Variants in ANAPC5 observed in about 807,000 individuals in gnomAD.
ANAPC5 encodes the protein anaphase-promoting complex subunit 5.
ANAPC5 carries 60 observed loss-of-function variants against 91.3 expected under a neutral mutation model. The ratio of observed to expected loss-of-function variants is 0.66; its 90% CI spans 0.53 to 0.81. The LOEUF (loss-of-function observed/expected upper bound fraction) is 0.81. Among genes scored for constraint, ANAPC5 ranks in the 40% least tolerant of loss-of-function variants. The pLI is 0.00. For synonymous variants in ANAPC5, 340 were observed against 364.1 expected, an observed-to-expected ratio of 0.93 and a Z score of 0.75; for missense variants, 690 against 931.5, an observed-to-expected ratio of 0.74 and a Z score of 3.37.
chr12:121,335,011 T>C (rs1313452588), intron 7 of ANAPC5: 1 of 152,180 alleles, frequency 6.6e-6, no homozygotes, highest in Non-Finnish European at 1.5e-5. Context: ...GTTCCCTCTA[T>C]GGAAGTTACT....
intron 9 of ANAPC5, among the ~76,000 whole-genome samples, chr12:121,330,346 T>C (rs1384666506): frequency 6.6e-6 from 1 of 152,210 alleles, no homozygotes; most frequent in Non-Finnish European, 1.5e-5. Flanking sequence ...TGATCTCTTA[T>C]CAAATTGGTA....
Position 121,335,665 on chromosome 12 carries a change from CTG to C in ANAPC5, c.816_817del (p.His272GlnfsTer7), listed in dbSNP as rs782653871. On this transcript the variant is annotated frameshift_variant, in exon 7 of 17. Transcript: ENST00000261819. LOFTEE classifies it high-confidence loss of function. ...CAGACGATCAAAATAATGGAGGAGA[CTG>C]TGTGTTGAACTGAAAACATCTTGGA... 2 of 1,613,756 alleles carry C rather than the reference CTG, an allele frequency of 1.2e-6. No individual in the cohort carries two copies. The highest frequency in any genetic ancestry group is 1.7e-6 in the Non-Finnish European group (2 of 1,179,692).
intron 1 of ANAPC5, among the ~76,000 whole-genome samples, chr12:121,351,410 A>G (rs1363650388): frequency 9.9e-5 from 15 of 152,064 alleles, no homozygotes; most frequent in Non-Finnish European, 2.2e-4. Flanking sequence ...TTTTAAGTAA[A>G]GTGCTTAGCA....
intron 15 of ANAPC5, among the ~76,000 whole-genome samples, chr12:121,314,752 G>C (rs961280998): frequency 1.3e-5 from 2 of 151,760 alleles, no homozygotes; most frequent in Non-Finnish European, 2.9e-5. Flanking sequence ...AGCCTACCTA[G>C]TAGCTGGGAT....
intron 7 of ANAPC5, 65 bp from the exon 8 acceptor site, chr12:121,331,493 G>A: frequency 7.3e-7 from 1 of 1,379,112 alleles, no homozygotes; most frequent in South Asian, 1.2e-5. Context: ...AACCATAGCA[G>A]GAAGTCATCT....
chr12:121,328,681 G>T, intron 9 of ANAPC5, 184 bp from the exon 10 acceptor site: 1 of 552,284 alleles, frequency 1.8e-6, no homozygotes, highest in South Asian at 2.4e-5. Context: ...GAAAAACTGG[G>T]TCTGGGAGAG....
At chr12:121,313,643 A>G (rs1902253715) in intron 15 of ANAPC5, among the ~76,000 whole-genome samples, 1 of 152,210 alleles carries the variant, frequency 6.6e-6, no homozygotes, top group Admixed American at 6.5e-5. Flanking sequence ...AAGAAATTAG[A>G]TAAAAGGTAA....
At position 121,327,096 on chromosome 12, in the gene ANAPC5, C is replaced by G; in HGVS notation, c.1440G>C (p.Gln480His). Residue 480 changes from glutamine to histidine, a missense_variant and splice_region_variant, in exon 11 of 17, where the codon CAG becomes CAC. Transcript: ENST00000261819. ...CACGTGGGCCCGGCCACCTGCCTAC[C>G]TGCTCCGCGTGTAGCTCTGCGAGGT... The part of the protein sequence containing the change: ...LCHLAELHAE[Q>H]GCFAAASEVL... 1 of 1,594,220 alleles carries G rather than the reference C, an allele frequency of 6.3e-7. No individual in the cohort carries two copies. The highest frequency in any genetic ancestry group is 2.3e-5 in the East Asian group (1 of 44,430).
rs34791908 is a variant in ANAPC5, at chr12:121,312,706, C to CAAA, written c.1894-2846_1894-2844dup. 4.3e-3 allele frequency among the ~76,000 whole-genome samples: 220 copies of CAAA among 50,948 alleles called. 1 individual carries two copies. The highest frequency in any genetic ancestry group is 9.2e-3 in the South Asian group (12 of 1,310). The allele number at this position is 50,948 out of a possible 152,430, so 33.4% of individuals were successfully genotyped here. ...TAGGCGACAGAGCGAGACTCTGTCA[C>CAAA]AAAAAAAAAAAAAAAAAAAAAAAAT... On this transcript the variant is annotated intron_variant, in intron 15 of 16. Transcript: ENST00000261819.
At chr12:121,327,055 T>C in intron 11 of ANAPC5, 41 bp downstream of exon 11, 1 of 1,557,026 alleles carries the variant, frequency 6.4e-7, no homozygotes, top group Non-Finnish European at 8.6e-7. Flanking sequence ...TGGTAGAGCC[T>C]CCATTGCTCC....
intron 7 of ANAPC5, chr12:121,332,870 G>A (rs1360216644): frequency 6.6e-6 from 1 of 152,170 alleles, no homozygotes; most frequent in Non-Finnish European, 1.5e-5. Flanking sequence ...ATTCTGAGAT[G>A]GGTGCAGTAG....
intron 1 of ANAPC5, among the ~76,000 whole-genome samples, chr12:121,351,881 TCTAA>T (rs1358348333): frequency 1.3e-5 from 2 of 151,778 alleles, no homozygotes; most frequent in Admixed American, 1.3e-4. Context: ...GATCTGAGAC[TCTAA>T]CTCTCAGCTA....
At chr12:121,341,264 G>T (rs1490503423) in intron 5 of ANAPC5, among the ~76,000 whole-genome samples, 1 of 152,170 alleles carries the variant, frequency 6.6e-6, no homozygotes, top group Non-Finnish European at 1.5e-5. Flanking sequence ...TAGATCGAGA[G>T]TTCAAGACCA....
chr12:121,345,717 C>G (rs1405120919), intron 4 of ANAPC5, 122 bp downstream of exon 4: 5 of 1,040,746 alleles, frequency 4.8e-6, no homozygotes, highest in Non-Finnish European at 7.1e-6. Context: ...GTTAACTTCC[C>G]AGATCTGGAA....
At chr12:121,351,916 T>C (rs1593612273) in intron 1 of ANAPC5, among the ~76,000 whole-genome samples, 1 of 150,316 alleles carries the variant, frequency 6.7e-6, no homozygotes, top group Admixed American at 6.6e-5. Context: ...GAGCCAGACA[T>C]GAACTTGCAA....
At chr12:121,315,827 C>G (rs956183497) in intron 15 of ANAPC5, among the ~76,000 whole-genome samples, 6 of 152,054 alleles carry the variant, frequency 3.9e-5, no homozygotes, top group African/African-American at 1.2e-4. Flanking sequence ...TAAACATAAG[C>G]ATTAAAACTA....
chr12:121,352,417 T>C (rs1903940694), upstream of ANAPC5: 1 of 1,188,320 alleles, frequency 8.4e-7, no homozygotes, highest in South Asian at 1.4e-5. Flanking sequence ...CTACCGGGTC[T>C]ACATCTCCGC....
upstream of ANAPC5, among the ~76,000 whole-genome samples, chr12:121,353,156 C>T (rs1903973143): frequency 6.6e-6 from 1 of 152,166 alleles, no homozygotes; most frequent in South Asian, 2.1e-4. Flanking sequence ...ACATTAGCAA[C>T]ATCACCTCCA....
chr12:121,321,194 C>G (rs1420665351), intron 11 of ANAPC5: 1 of 151,612 alleles, frequency 6.6e-6, no homozygotes, highest in Non-Finnish European at 1.5e-5. Flanking sequence ...GGTTGTGGTG[C>G]ACTGAGATCG....
Sources: allele counts gnomAD v4.1 joint callset (sites outside exome capture counted in the v4.1 genomes callset), GRCh38; gene constraint gnomAD v4.1.1; transcripts MANE v1.5; gene names NCBI Gene and HGNC (gene_info 2026-07-23, HGNC 2026-07-21).